The following MCUR1 variants were observed in gnomAD, a reference collection of about 807,000 sequenced individuals.
The protein encoded by MCUR1 is MCU regulator 1.
Under a neutral mutation model 42.0 loss-of-function variants are expected in MCUR1, and 37 were observed. That is an observed-to-expected ratio of 0.88 (90% confidence interval 0.68 to 1.16). The LOEUF (loss-of-function observed/expected upper bound fraction) is 1.16. Ranked by LOEUF, MCUR1 falls within the 50% of genes most tolerant of loss-of-function variation. The pLI is 0.00. For synonymous variants in MCUR1, 229 were observed against 196.2 expected (o/e 1.17, Z -1.40); for missense variants, 469 against 468.4 (o/e 1.00, Z -0.01).
At position 13,801,294 on chromosome 6, in the gene MCUR1, T is replaced by G. The variant is rs1426936369; in HGVS notation, c.735A>C (p.Glu245Asp). ...GTGAGAGGCTCTGTTTTACCTCATT[T>G]TCTGCTCTGAGGGCTGAAAATTCAC... The part of the protein sequence containing the change: ...EKSEFSALRA[E>D]NEKIKLELHQ... Residue 245 changes from glutamate to aspartate, a missense_variant, in exon 4 of 9, where the codon GAA (glutamate) becomes GAC (aspartate). Physicochemically the swap from Glu to Asp is conservative, Grantham distance 45. Transcript: ENST00000379170. 2 of 1,608,618 alleles carry G rather than the reference T, an allele frequency of 1.2e-6. No homozygotes were observed. The highest frequency in any genetic ancestry group is 1.7e-5 in the Admixed American group (1 of 59,894).
Position 13,791,325 on chromosome 6 carries a change from A to G in MCUR1, c.1025-461T>C, listed in dbSNP as rs578084766. Among the ~76,000 whole-genome samples the G allele has an allele frequency of 4.6e-5, 7 of 152,370 alleles. No individual in the cohort carries two copies. In the South Asian group the frequency reaches 1.0e-3, roughly 23 times the overall value. On this transcript the variant is annotated intron_variant, in intron 8 of 8. Transcript: ENST00000379170. ...GTCTATGTATATGCACTATAGAGAC[A>G]GGAAGACACAATTTAATATAAAGAA...
In MCUR1 at chr6:13,814,020, CTGCAGGAAACGAG is replaced by C. The variant is rs1158482855; in HGVS notation, c.397_409del (p.Leu133GlyfsTer4). On this transcript the variant is annotated frameshift_variant, in exon 1 of 9. Transcript: ENST00000379170. LOFTEE classifies it high-confidence loss of function. Reference sequence around the variant, plus strand: ...CTCTCCCGCCCGGGCCTCACCTCTCCTGCAGGAAACGAGTGCAGGCGCCGGGCCGTGGTACTGG... The same window carrying C: ...CTCTCCCGCCCGGGCCTCACCTCTCCTGCAGGCGCCGGGCCGTGGTACTGG... 8.1e-7 allele frequency: 1 copy of C among 1,235,666 alleles called. No homozygotes were observed. Among genetic ancestry groups the C allele is most frequent in the African/African-American group, 1.6e-5 (1 of 64,382 alleles). 76.5% of individuals were successfully genotyped at this position (1,235,666 alleles called of 1,614,324 possible). A position where few individuals can be genotyped will look rare whatever the true frequency, so the allele number is the denominator to read the frequency against.
intron 2 of MCUR1, among the ~76,000 whole-genome samples, chr6:13,803,512 AATT>A: frequency 6.6e-6 from 1 of 152,360 alleles, no homozygotes; most frequent in Middle Eastern, 3.4e-3. Flanking sequence ...TCCTGTAATT[AATT>A]GTGTATTTCT....
intron 2 of MCUR1, among the ~76,000 whole-genome samples, 184 bp from the exon 3 acceptor site, chr6:13,802,530 C>G (rs142775060): frequency 6.6e-5 from 10 of 152,126 alleles, no homozygotes; most frequent in Non-Finnish European, 1.3e-4. Flanking sequence ...ACGAAACATA[C>G]AAGTTGGCTT....
Position 13,801,273 on chromosome 6 carries a change from G to T in MCUR1, c.741+15C>A. 1 of 1,526,124 alleles carries T rather than the reference G, an allele frequency of 6.6e-7. No homozygotes were observed. Among genetic ancestry groups the T allele is most frequent in the Non-Finnish European group, 9.1e-7 (1 of 1,102,818 alleles). 94.5% of individuals were successfully genotyped at this position (1,526,124 alleles called of 1,614,324 possible). A position where few individuals can be genotyped will look rare whatever the true frequency, so the allele number is the denominator to read the frequency against. The stretch of plus-strand genomic sequence containing the variant: ...AATATAATCAACTTTCTAAGTGTGA[G>T]AGGCTCTGTTTTACCTCATTTTCTG... On this transcript the variant is annotated intron_variant, in intron 4 of 8. Coordinates refer to ENST00000379170, the MANE Select transcript of MCUR1 (RefSeq NM_001031713.4).
chr6:13,809,609 T>C (rs181293896), intron 1 of MCUR1, among the ~76,000 whole-genome samples: 346 of 151,940 alleles, frequency 2.3e-3, no homozygotes, highest in Non-Finnish European at 3.6e-3. Context: ...TTTTTTTTAA[T>C]TGGGTCAGGT....
rs200455021 is a variant in MCUR1 at position 13,792,078 on chromosome 6, G to GC, written c.910-87_910-86insG. ...TATAGCTCCTTCCCAACGGGGTGCAGTCACAGGGAAACCTGGGTAAGACTA... is the reference window on the plus strand; with the variant it reads ...TATAGCTCCTTCCCAACGGGGTGCAGCTCACAGGGAAACCTGGGTAAGACTA... On this transcript the variant is annotated intron_variant, in intron 7 of 8. Transcript: ENST00000379170. 2.6e-3 allele frequency: 2,575 copies of GC among 989,530 alleles called. 49 individuals are homozygous for GC. The African/African-American group carries it at 0.037, about 14-fold the overall frequency. The allele number at this position is 989,530 out of a possible 1,614,324, so 61.3% of individuals were successfully genotyped here.
At chr6:13,803,990 A>G in intron 2 of MCUR1, 1 of 965,988 alleles carries the variant, frequency 1.0e-6, no homozygotes, top group Non-Finnish European at 1.2e-6. Flanking sequence ...AAATTTTAAA[A>G]AATTTTAATT....
chr6:13,805,149 C>T (rs1299651568), intron 2 of MCUR1, among the ~76,000 whole-genome samples: 6 of 151,342 alleles, frequency 4.0e-5, no homozygotes, highest in African/African-American at 1.2e-4. Context: ...AAGACTTCTG[C>T]TTATCAATTT....
chr6:13,793,058 G>A (rs1759767060), intron 7 of MCUR1, among the ~76,000 whole-genome samples: 1 of 148,318 alleles, frequency 6.7e-6, no homozygotes, highest in Non-Finnish European at 1.5e-5. Context: ...CTGAGGTGAA[G>A]GAGGGTGCAG....
chr6:13,803,210 C>T (rs147969211), intron 2 of MCUR1, among the ~76,000 whole-genome samples: 3 of 152,140 alleles, frequency 2.0e-5, no homozygotes, highest in Admixed American at 6.5e-5. Flanking sequence ...TACAGGCATG[C>T]GCCACCATGC....
intron 5 of MCUR1, 27 bp downstream of exon 5, chr6:13,800,314 G>A: frequency 6.6e-7 from 1 of 1,507,474 alleles, no homozygotes; most frequent in African/African-American, 1.4e-5. Flanking sequence ...TTACAAACCA[G>A]CCAACAAACA....
In MCUR1 at chr6:13,786,985, C is replaced by T. The variant is rs906942282; in HGVS notation, c.*3824G>A. ...TGCCTTAGTGCCAAAAAAGCCAGAA[C>T]AAATTTGATAAGCTCACATTAAAAT... On this transcript the variant is annotated 3_prime_UTR_variant, in exon 9 of 9. Coordinates refer to ENST00000379170, the MANE Select transcript of MCUR1 (RefSeq NM_001031713.4). 1 of 152,102 alleles carries T rather than the reference C, an allele frequency of 6.6e-6. No homozygotes were observed. Among genetic ancestry groups the T allele is most frequent in the Non-Finnish European group, 1.5e-5 (1 of 68,008 alleles). The allele number at this position is 152,102 out of a possible 1,614,324, so 9.4% of individuals were successfully genotyped here.
At chr6:13,813,983 G>A (rs1318043343) in intron 1 of MCUR1, 32 bp downstream of exon 1, 70 of 1,229,042 alleles carry the variant, frequency 5.7e-5, no homozygotes, top group Non-Finnish European at 6.0e-5. Flanking sequence ...CCCGCGAGAC[G>A]AGCCCCCTCT....
At chr6:13,798,741 T>G (rs1279506239) in intron 6 of MCUR1, 92 bp downstream of exon 6, 1 of 852,368 alleles carries the variant, frequency 1.2e-6, no homozygotes, top group East Asian at 2.6e-5. Flanking sequence ...TATTTAACAG[T>G]ACCTATGACA....
chr6:13,793,982 T>C (rs1439661396), intron 6 of MCUR1, 35 bp from the exon 7 acceptor site: 1 of 1,586,438 alleles, frequency 6.3e-7, no homozygotes, highest in Non-Finnish European at 8.6e-7. Flanking sequence ...CAGATTCTGA[T>C]CTACTCCTCT....
chr6:13,797,399 G>A lies in MCUR1; in HGVS notation c.855+1434C>T, dbSNP rs74414603. Among the ~76,000 whole-genome samples the A allele has an allele frequency of 5.4e-3, 825 of 152,186 alleles. 5 individuals are homozygous for A. Among genetic ancestry groups the A allele is most frequent in the African/African-American group, 0.018 (745 of 41,528 alleles). On this transcript the variant is annotated intron_variant, in intron 6 of 8. Transcript: ENST00000379170. Reference sequence around the variant, plus strand: ...GGTTAAAAATCACTAGAGGCAACCCGACACATATCTTTATTAAAACACACT... The same window carrying A: ...GGTTAAAAATCACTAGAGGCAACCCAACACATATCTTTATTAAAACACACT...
At chr6:13,797,074 G>A (rs1236845631) in intron 6 of MCUR1, among the ~76,000 whole-genome samples, 2 of 152,178 alleles carry the variant, frequency 1.3e-5, no homozygotes, top group African/African-American at 2.4e-5. Context: ...TTTGTATAAC[G>A]AAGCTTGGAT....
At position 13,792,018 on chromosome 6, in the gene MCUR1, G is replaced by A. The variant is rs376754379; in HGVS notation, c.910-26C>T. 33 of 1,561,870 alleles carry A rather than the reference G, an allele frequency of 2.1e-5. No individual in the cohort carries two copies. In the East Asian group the frequency reaches 2.5e-4, roughly 12 times the overall value. On this transcript the variant is annotated intron_variant, in intron 7 of 8. Coordinates refer to ENST00000379170, the MANE Select transcript of MCUR1 (RefSeq NM_001031713.4). ...CTTTTAAAATGAAGAGAGTCACAGC[G>A]TTAGACCACAGCACGTCCCCTCTGC...
Sources: allele counts gnomAD v4.1 joint callset (sites outside exome capture counted in the v4.1 genomes callset), GRCh38; gene constraint gnomAD v4.1.1; transcripts MANE v1.5; gene names NCBI Gene and HGNC (gene_info 2026-07-23, HGNC 2026-07-21).